Variants in UNC13B observed in about 807,000 individuals in gnomAD.
UNC13B encodes unc-13 homolog B.
UNC13B carries 144 observed loss-of-function variants against 211.0 expected under a neutral mutation model. That is an observed-to-expected ratio of 0.68 (90% CI 0.60 to 0.78). The LOEUF (loss-of-function observed/expected upper bound fraction) is 0.78. Ranked by LOEUF, UNC13B falls within the 30% of genes least tolerant of loss-of-function variation. The pLI, the probability that UNC13B is intolerant of heterozygous loss-of-function variation, is 0.00. For missense variants in UNC13B, 1,777 were observed against 2,002.0 expected (o/e 0.89, Z 2.14); for synonymous variants, 709 against 725.8 (o/e 0.98, Z 0.37).
intron 1 of UNC13B, among the ~76,000 whole-genome samples, chr9:35,216,429 G>T (rs2131438298): frequency 6.6e-6 from 1 of 152,314 alleles, no homozygotes; most frequent in South Asian, 2.1e-4. Flanking sequence ...GGACTTGCTT[G>T]ATTGTTTATT....
At chr9:35,298,399 T>C (rs1829502884) in intron 8 of UNC13B, among the ~76,000 whole-genome samples, 1 of 152,140 alleles carries the variant, frequency 6.6e-6, no homozygotes, top group Admixed American at 6.6e-5. Context: ...CCAGCCTGGA[T>C]GACAGAGCAA....
intron 7 of UNC13B, 33 bp downstream of exon 7, chr9:35,259,083 A>G (rs762711428): frequency 4.3e-6 from 7 of 1,609,598 alleles, no homozygotes; most frequent in African/African-American, 1.3e-5. Flanking sequence ...AATCTCTTTT[A>G]ATTGTAGCTT....
intron 37 of UNC13B, 150 bp from the exon 38 acceptor site, chr9:35,403,017 C>A (rs1836424892): frequency 8.3e-6 from 5 of 602,656 alleles, no homozygotes. Flanking sequence ...GTTCTTTATC[C>A]CATTTCTTTC....
At position 35,404,071 on chromosome 9, in the gene UNC13B, T is replaced by A; in HGVS notation, c.*38T>A. 1 of 1,593,322 alleles carries A rather than the reference T, an allele frequency of 6.3e-7. No individual in the cohort carries two copies. Among genetic ancestry groups the A allele is most frequent in the Non-Finnish European group, 8.5e-7 (1 of 1,169,904 alleles). On this transcript the variant is annotated 3_prime_UTR_variant, in exon 40 of 40. Coordinates refer to ENST00000635942, the MANE Select transcript of UNC13B (RefSeq NM_001371189.2). ...CCTGTGCCAATCAGGCAGCAGCAAT[T>A]TCACAAATCAGGGCCAGTGGGAGTT...
At chr9:35,267,936 T>G (rs1407433410) in intron 7 of UNC13B, among the ~76,000 whole-genome samples, 1 of 152,218 alleles carries the variant, frequency 6.6e-6, no homozygotes, top group Non-Finnish European at 1.5e-5. Flanking sequence ...ACATGACCCA[T>G]GGGAACTCAA....
In UNC13B at chr9:35,198,811, G is replaced by C. The variant is rs550246103; in HGVS notation, c.23-29204G>C. 2.0e-5 allele frequency among the ~76,000 whole-genome samples: 3 copies of C among 152,256 alleles called. No homozygotes were observed. The East Asian group carries it at 5.8e-4, about 29-fold the overall frequency. On this transcript the variant is annotated intron_variant, in intron 1 of 39. Transcript: ENST00000635942. The stretch of plus-strand genomic sequence containing the variant: ...GCAAAGTCAGTTTTGTTATGTGTTA[G>C]CAAAGAGGTTGGAGGCATTATGTCT...
chr9:35,349,638 A>G (rs1384137454), intron 11 of UNC13B, among the ~76,000 whole-genome samples: 2 of 152,204 alleles, frequency 1.3e-5, no homozygotes, highest in Non-Finnish European at 2.9e-5. Context: ...TCCTCAATGA[A>G]TTAGAGTTGT....
At chr9:35,195,470 C>T (rs1822884833) in intron 1 of UNC13B, among the ~76,000 whole-genome samples, 1 of 118,664 alleles carries the variant, frequency 8.4e-6, no homozygotes, top group African/African-American at 3.2e-5. Flanking sequence ...CTCAGGACCT[C>T]CTGAGGCTGT....
At position 35,182,009 on chromosome 9, in the gene UNC13B, T is replaced by C. The variant is rs1821964774; in HGVS notation, c.22+19704T>C. Among the ~76,000 whole-genome samples the C allele has an allele frequency of 5.9e-5, 9 of 152,292 alleles. No individual in the cohort carries two copies. In the South Asian group the frequency reaches 1.9e-3, roughly 32 times the overall value. ...TAAACTCTTTACTGCAGTGCCATGG[T>C]CTTGGTGAACTGGTTTTGTTTGTGC... On this transcript the variant is annotated intron_variant, in intron 1 of 39. Transcript: ENST00000635942.
chr9:35,368,054 TA>T (rs950704051), intron 12 of UNC13B, among the ~76,000 whole-genome samples: 4 of 152,052 alleles, frequency 2.6e-5, no homozygotes, highest in African/African-American at 4.8e-5. Context: ...TTGTCATCTT[TA>T]AAAAAAAATT....
intron 11 of UNC13B, among the ~76,000 whole-genome samples, chr9:35,350,071 G>C (rs1378447459): frequency 6.6e-6 from 1 of 152,214 alleles, no homozygotes; most frequent in African/African-American, 2.4e-5. Flanking sequence ...CCTCCCAGGA[G>C]ACCTAGCAGG....
intron 11 of UNC13B, among the ~76,000 whole-genome samples, chr9:35,337,670 T>C (rs1831739296): frequency 6.6e-6 from 1 of 152,232 alleles, no homozygotes; most frequent in African/African-American, 2.4e-5. Context: ...ATTTGGAGAA[T>C]CCTGTAGGGA....
chr9:35,400,376 C>T lies in UNC13B; in HGVS notation c.12417C>T (p.Ala4139=). 6.2e-7 allele frequency: 1 copy of T among 1,614,160 alleles called. No individual in the cohort carries two copies. Among genetic ancestry groups the T allele is most frequent in the East Asian group, 2.2e-5 (1 of 44,878 alleles). The stretch of plus-strand genomic sequence containing the variant: ...CAGATCTGCAGTCTCTACGCTATGC[C>T]CTGTCTCTGTACACACAGACTACTG... ...KSPDLQSLRY[A]LSLYTQTTDT... The change falls in exon 37 of 40, where the codon GCC becomes GCT. Residue 4139 remains alanine (A), a synonymous_variant. Coordinates refer to ENST00000635942, the MANE Select transcript of UNC13B (RefSeq NM_001371189.2).
chr9:35,279,053 C>T (rs1324949343), intron 7 of UNC13B, among the ~76,000 whole-genome samples: 2 of 152,114 alleles, frequency 1.3e-5, no homozygotes, highest in Non-Finnish European at 2.9e-5. Context: ...AGGTGAAACT[C>T]ATGTAGCATA....
rs118041457 is a variant in UNC13B at position 35,274,227 on chromosome 9, A to T, written c.526+15177A>T. On this transcript the variant is annotated intron_variant, in intron 7 of 39. Coordinates refer to ENST00000635942, the MANE Select transcript of UNC13B (RefSeq NM_001371189.2). Reference sequence around the variant, plus strand: ...TTGTGGCCTCGCACTCTCAACTAGTACTAGCATTCTTTTCTTTTCTTTTTT... The same window carrying T: ...TTGTGGCCTCGCACTCTCAACTAGTTCTAGCATTCTTTTCTTTTCTTTTTT... 4.3e-3 allele frequency among the ~76,000 whole-genome samples: 651 copies of T among 152,216 alleles called. 6 individuals are homozygous for T. The highest frequency in any genetic ancestry group is 0.041 in the East Asian group (211 of 5,182).
Position 35,302,062 on chromosome 9 carries a change from T to C in UNC13B, c.2658T>C (p.Pro886=), listed in dbSNP as rs11790683. The stretch of plus-strand genomic sequence containing the variant: ...TAAAAGAGAAAGGAAGCATTTTTCC[T>C]TTGTTTAAATTTTCTTTCACTGACA... The part of the protein sequence containing the change: ...QELKEKGSIF[P]LFKFSFTDSK... Residue 886 remains proline, a synonymous_variant, in exon 9 of 40, where the codon CCT becomes CCC. Transcript: ENST00000635942. 0.18 allele frequency: 70,750 copies of C among 398,638 alleles called. 7,532 individuals are homozygous for C. Among genetic ancestry groups the C allele is most frequent in the Non-Finnish European group, 0.23 (51,812 of 225,768 alleles). 24.7% of individuals were successfully genotyped at this position (398,638 alleles called of 1,614,324 possible).
intron 11 of UNC13B, among the ~76,000 whole-genome samples, chr9:35,314,801 G>GTGTA (rs1830362198): frequency 1.4e-5 from 2 of 143,746 alleles, no homozygotes; most frequent in Admixed American, 7.1e-5. Flanking sequence ...CCCATGGTGT[G>GTGTA]TATATATATA....
At chr9:35,189,084 C>T (rs1006569612) in intron 1 of UNC13B, among the ~76,000 whole-genome samples, 2 of 152,124 alleles carry the variant, frequency 1.3e-5, no homozygotes, top group Non-Finnish European at 2.9e-5. Context: ...TTGCTTAAAC[C>T]TCTAGCTTTA....
At chr9:35,211,442 C>T (rs1256424387) in intron 1 of UNC13B, among the ~76,000 whole-genome samples, 2 of 152,198 alleles carry the variant, frequency 1.3e-5, no homozygotes, top group African/African-American at 2.4e-5. Flanking sequence ...CGTAAATCTG[C>T]CTTATTTTTA....
Sources: gnomAD v4.1 joint callset for allele counts (sites outside exome capture counted in the v4.1 genomes callset) on GRCh38, gnomAD v4.1.1 for gene constraint, MANE v1.5 for transcripts, NCBI Gene and HGNC (gene_info 2026-07-23, HGNC 2026-07-21) for gene names.